The following IL15RA variants were observed in gnomAD, a reference collection of about 807,000 sequenced individuals.
IL15RA encodes the protein interleukin-15 receptor subunit alpha.
A neutral mutation model predicts 24.2 loss-of-function variants in IL15RA; 26 were observed. That is an observed-to-expected ratio of 1.07 (90% confidence interval 0.79 to 1.49). IL15RA has a LOEUF of 1.49. Among genes scored for constraint, IL15RA ranks in the 40% most tolerant of loss-of-function variants. The pLI, the probability that IL15RA is intolerant of heterozygous loss-of-function variation, is 0.00. For missense variants in IL15RA, 354 were observed against 356.4 expected (o/e 0.99, Z 0.05); for synonymous variants, 166 against 157.6 (o/e 1.05, Z -0.40).
chr10:5,968,695 T>C lies in IL15RA; in HGVS notation c.89-2356A>G, dbSNP rs1178935366. The C allele has an allele frequency of 4.3e-6, 3 of 692,138 alleles. No individual in the cohort carries two copies. In the African/African-American group the frequency reaches 5.2e-5, roughly 12 times the overall value. 42.9% of individuals were successfully genotyped at this position (692,138 alleles called of 1,614,324 possible). On this transcript the variant is annotated intron_variant, in intron 1 of 6. Coordinates refer to ENST00000379977, the MANE Select transcript of IL15RA (RefSeq NM_002189.4). This position sits in a 1 kb window ranked among gnomAD's most constrained non-coding sequence, Gnocchi z 5.4. ...GCTCCACACTGATCTTCTGTCCTTC[T>C]CTACCTGCCTAAACCACAGAGTGTT...
downstream of IL15RA, among the ~76,000 whole-genome samples, chr10:5,949,806 C>T (rs1282552641): frequency 2.6e-5 from 4 of 151,986 alleles, no homozygotes; most frequent in East Asian, 7.7e-4. The surrounding 1 kb of genome is among the most constrained non-coding windows in gnomAD (Gnocchi z 4.4). Context: ...AGTTAAGAGT[C>T]TTATTTCTTG....
At position 5,960,871 on chromosome 10, in the gene IL15RA, C is replaced by A. The variant is rs1462213462; in HGVS notation, c.383-304G>T. Among the ~76,000 whole-genome samples the A allele has an allele frequency of 1.3e-5, 2 of 152,136 alleles. No individual in the cohort carries two copies. The highest frequency in any genetic ancestry group is 4.8e-5 in the African/African-American group (2 of 41,418). Reference sequence around the variant, plus strand: ...CTGAGGTGTGAGGATCACTTGAGCCCAGGAGTTTAAGACCAGCCTGGGCAA... The same window carrying A: ...CTGAGGTGTGAGGATCACTTGAGCCAAGGAGTTTAAGACCAGCCTGGGCAA... On this transcript the variant is annotated intron_variant, in intron 3 of 6. Transcript: ENST00000379977. The surrounding 1 kb of genome is among the most constrained non-coding windows in gnomAD (Gnocchi z 5.1).
At position 5,960,203 on chromosome 10, in the gene IL15RA, G is replaced by A. The variant is rs1350675835; in HGVS notation, c.583+164C>T. 1.3e-5 allele frequency among the ~76,000 whole-genome samples: 2 copies of A among 152,234 alleles called. No individual in the cohort carries two copies. Among genetic ancestry groups the A allele is most frequent in the Non-Finnish European group, 2.9e-5 (2 of 68,042 alleles). On this transcript the variant is annotated intron_variant, in intron 4 of 6. Transcript: ENST00000379977. This position sits in a 1 kb window ranked among gnomAD's most constrained non-coding sequence, Gnocchi z 5.1. ...AGCCACAGAGAAAGCCACGGAGAAAGAGGTCAGGCCAGGACGCCGTGGCTG... is the reference window on the plus strand; with the variant it reads ...AGCCACAGAGAAAGCCACGGAGAAAAAGGTCAGGCCAGGACGCCGTGGCTG...
chr10:5,976,734 C>A lies in IL15RA; in HGVS notation c.88+671G>T, dbSNP rs576919914. ...CCGCTTTCTTCTCGAATACACCAAG[C>A]GATCACAGATCTCTTCCCCCTTTTT... On this transcript the variant is annotated intron_variant, in intron 1 of 6. Coordinates refer to ENST00000379977, the MANE Select transcript of IL15RA (RefSeq NM_002189.4). Among the ~76,000 whole-genome samples, 367 of 152,258 alleles carry A rather than the reference C, an allele frequency of 2.4e-3. 2 individuals carry two copies. Among genetic ancestry groups the A allele is most frequent in the African/African-American group, 8.4e-3 (348 of 41,550 alleles).
rs1589182564 is a variant in IL15RA, at chr10:5,959,943, T to C, written c.584-157A>G. ...TCATTTTAGCAAAGAACAAGCAGGG[T>C]AGCTCACTGAGGTGCTGGCCACACT... On this transcript the variant is annotated intron_variant, in intron 4 of 6. Transcript: ENST00000379977. This position sits in a 1 kb window ranked among gnomAD's most constrained non-coding sequence, Gnocchi z 4.1. Among the ~76,000 whole-genome samples the C allele has an allele frequency of 6.6e-6, 1 of 152,134 alleles. No homozygotes were observed. Among genetic ancestry groups the C allele is most frequent in the Admixed American group, 6.5e-5 (1 of 15,278 alleles).
At position 5,964,782 on chromosome 10, in the gene IL15RA, G is replaced by T. The variant is rs1836221504; in HGVS notation, c.284-941C>A. 3.9e-5 allele frequency among the ~76,000 whole-genome samples: 6 copies of T among 152,352 alleles called. 1 individual carries two copies. The South Asian group carries it at 1.2e-3, about 32-fold the overall frequency. ...ACCTCGGGCAGACAGGTTCCAGGGAGTCCCAGGACTGGCAGAGTAAGACCC... is the reference window on the plus strand; with the variant it reads ...ACCTCGGGCAGACAGGTTCCAGGGATTCCCAGGACTGGCAGAGTAAGACCC... On this transcript the variant is annotated intron_variant, in intron 2 of 6. Transcript: ENST00000379977. The surrounding 1 kb of genome is among the most constrained non-coding windows in gnomAD (Gnocchi z 5.6).
Position 5,966,252 on chromosome 10 carries a change from C to T in IL15RA, c.176G>A (p.Cys59Tyr), listed in dbSNP as rs774050503. The T allele has an allele frequency of 1.9e-6, 3 of 1,614,142 alleles. No individual in the cohort carries two copies. The highest frequency in any genetic ancestry group is 2.5e-6 in the Non-Finnish European group (3 of 1,179,988). ...YSLYSRERYI[C>Y]NSGFKRKAGT... ...GGCTTTACGCTTGAAACCAGAGTTA[C>T]AAATGTACCGCTCCCTGGAGTACAA... is the stretch of plus-strand genomic sequence containing the variant. Residue 59 changes from cysteine to tyrosine, a missense_variant, in exon 2 of 7, where the codon TGT becomes TAT. Transcript: ENST00000379977. This position sits in a 1 kb window ranked among gnomAD's most constrained non-coding sequence, Gnocchi z 6.4.
chr10:5,954,964 C>CT (rs1272254773), intron 6 of IL15RA, among the ~76,000 whole-genome samples: 19 of 151,908 alleles, frequency 1.3e-4, no homozygotes, highest in African/African-American at 4.6e-4. Context: ...AGGTTTATGG[C>CT]TTTTTTATTG....
Position 5,960,609 on chromosome 10 carries a change from C to CA in IL15RA, c.383-43_383-42insT, listed in dbSNP as rs1564496207. 6.5e-7 allele frequency: 1 copy of CA among 1,531,964 alleles called. No individual in the cohort carries two copies. Among genetic ancestry groups the CA allele is most frequent in the African/African-American group, 1.4e-5 (1 of 73,438 alleles). The allele number at this position is 1,531,964 out of a possible 1,614,324, so 94.9% of individuals were successfully genotyped here. ...GGCAGGGACAACATCAGTGTGCAGA[C>CA]TCCCCTCCTCTCAGCTGCAGCACGG... is the stretch of plus-strand genomic sequence containing the variant. On this transcript the variant is annotated intron_variant, in intron 3 of 6. Coordinates refer to ENST00000379977, the MANE Select transcript of IL15RA (RefSeq NM_002189.4). The surrounding 1 kb of genome is among the most constrained non-coding windows in gnomAD (Gnocchi z 5.1).
chr10:5,960,302 C>T lies in IL15RA; in HGVS notation c.583+65G>A. ...GGTATAAAGCTGCCTTGTGCCGGAT[C>T]TCAGCCCCGATCTCAGAAGCAGCAA... On this transcript the variant is annotated intron_variant, in intron 4 of 6. Coordinates refer to ENST00000379977, the MANE Select transcript of IL15RA (RefSeq NM_002189.4). This position sits in a 1 kb window ranked among gnomAD's most constrained non-coding sequence, Gnocchi z 5.1. The T allele has an allele frequency of 1.4e-6, 2 of 1,427,002 alleles. No individual in the cohort carries two copies. Among genetic ancestry groups the T allele is most frequent in the Non-Finnish European group, 9.9e-7 (1 of 1,011,752 alleles). The allele number at this position is 1,427,002 out of a possible 1,614,324, so 88.4% of individuals were successfully genotyped here.
At chr10:5,977,554 G>T, upstream of IL15RA, 2 of 1,274,760 alleles carry the variant, frequency 1.6e-6, no homozygotes, top group Non-Finnish European at 9.9e-7. Context: ...GCCGGGGGGA[G>T]GTGGCGAGCG....
At chr10:5,969,084 GT>G (rs1339561082) in intron 1 of IL15RA, among the ~76,000 whole-genome samples, 2 of 152,088 alleles carry the variant, frequency 1.3e-5, no homozygotes, top group Non-Finnish European at 2.9e-5. Context: ...GTGTCTGTTT[GT>G]TTTGACACCA....
Position 5,970,587 on chromosome 10 carries a change from A to G in IL15RA, c.89-4248T>C, listed in dbSNP as rs575449955. 3.3e-5 allele frequency among the ~76,000 whole-genome samples: 5 copies of G among 152,262 alleles called. No homozygotes were observed. The East Asian group carries it at 5.8e-4, about 18-fold the overall frequency. On this transcript the variant is annotated intron_variant, in intron 1 of 6. Transcript: ENST00000379977. The surrounding 1 kb of genome is among the most constrained non-coding windows in gnomAD (Gnocchi z 4.1). Reference sequence around the variant, plus strand: ...AGTTAATGTTTGAATGTACAAGGATATCAATGTACTACAGCCAATCCAACC... The same window carrying G: ...AGTTAATGTTTGAATGTACAAGGATGTCAATGTACTACAGCCAATCCAACC...
In IL15RA at chr10:5,955,815, G is replaced by A. The variant is rs8177723; in HGVS notation, c.692+564C>T. Among the ~76,000 whole-genome samples, 1,819 of 152,206 alleles carry A rather than the reference G, an allele frequency of 0.012. 40 individuals are homozygous for A. The highest frequency in any genetic ancestry group is 0.041 in the African/African-American group (1,704 of 41,524). On this transcript the variant is annotated intron_variant, in intron 6 of 6. Coordinates refer to ENST00000379977, the MANE Select transcript of IL15RA (RefSeq NM_002189.4). The surrounding 1 kb of genome is among the most constrained non-coding windows in gnomAD (Gnocchi z 5.3). Reference sequence around the variant, plus strand: ...AAGAAGAATGGGTAGGACTGCACGCGTTGGCCACCTGGTGCACTTTCTCTG... The same window carrying A: ...AAGAAGAATGGGTAGGACTGCACGCATTGGCCACCTGGTGCACTTTCTCTG...
chr10:5,977,708 G>A (rs1838685128), upstream of IL15RA: 1 of 1,176,222 alleles, frequency 8.5e-7, no homozygotes, highest in Admixed American at 4.2e-5. Context: ...GCCGGCCGCC[G>A]CGGCACCGCA....
In IL15RA at chr10:5,960,797, A is replaced by G. The variant is rs531761756; in HGVS notation, c.383-230T>C. On this transcript the variant is annotated intron_variant, in intron 3 of 6. Transcript: ENST00000379977. This position sits in a 1 kb window ranked among gnomAD's most constrained non-coding sequence, Gnocchi z 5.1. ...CTATCACGGCACGTATAAAGAAAAG[A>G]TCAGCCAGACACAGTGGGTCATGCC... Among the ~76,000 whole-genome samples the G allele has an allele frequency of 2.0e-5, 3 of 152,290 alleles. No homozygotes were observed. The South Asian group carries it at 6.2e-4, about 32-fold the overall frequency.
At chr10:5,952,242 C>T (rs1833931576), downstream of IL15RA, 2 of 152,264 alleles carry the variant, frequency 1.3e-5, no homozygotes, top group African/African-American at 4.8e-5. Context: ...AAAACTGTGA[C>T]CGGAGCCAGC....
chr10:5,960,566 C>T lies in IL15RA; in HGVS notation c.384G>A (p.Glu128=). 6.2e-7 allele frequency: 1 copy of T among 1,613,768 alleles called. No homozygotes were observed. The highest frequency in any genetic ancestry group is 8.5e-7 in the Non-Finnish European group (1 of 1,179,912). The change falls in exon 4 of 7, where the codon GAG becomes GAA. Residue 128 remains glutamate (E), a splice_region_variant and synonymous_variant. Transcript: ENST00000379977. This position sits in a 1 kb window ranked among gnomAD's most constrained non-coding sequence, Gnocchi z 5.1. ...TTGAGCTGGGAGATGAAGCTGCGGG[C>T]TCTGTAGGAGAGTCCAAGGCAGGGA... is the stretch of plus-strand genomic sequence containing the variant. The part of the protein sequence containing the change: ...QPESLSPSGK[E]PAASSPSSNN...
chr10:5,966,184 T>G lies in IL15RA; in HGVS notation c.244A>C (p.Asn82His). 8.1e-6 allele frequency: 13 copies of G among 1,612,976 alleles called. No homozygotes were observed. The highest frequency in any genetic ancestry group is 1.1e-5 in the South Asian group (1 of 91,068). Residue 82 changes from asparagine to histidine, a missense_variant, in exon 2 of 7, where the codon AAT (asparagine) becomes CAT (histidine). By Grantham distance (68) the Asn-to-His change is moderately conservative. Transcript: ENST00000379977. The surrounding 1 kb of genome is among the most constrained non-coding windows in gnomAD (Gnocchi z 6.4). ...CTGGGGGTTGTCCAGTGGGCGACATTCGTGGCCTTGTTCAACACGCACTCC... is the reference window on the plus strand; with the variant it reads ...CTGGGGGTTGTCCAGTGGGCGACATGCGTGGCCTTGTTCAACACGCACTCC... ...LTECVLNKAT[N>H]VAHWTTPSLK...
Sources: allele counts gnomAD v4.1 joint callset (sites outside exome capture counted in the v4.1 genomes callset), GRCh38; gene constraint gnomAD v4.1.1; non-coding constraint Gnocchi (gnomAD v3.1); transcripts MANE v1.5; gene names NCBI Gene and HGNC (gene_info 2026-07-23, HGNC 2026-07-21).